Variants in POFUT3 observed in about 807,000 individuals in gnomAD.
POFUT3 encodes the protein GDP-fucose protein O-fucosyltransferase 3.
the POFUT3 span, among the ~76,000 whole-genome samples, chr8:33,380,160 A>AC: frequency 1.4e-5 from 1 of 69,092 alleles, no homozygotes; most frequent in African/African-American, 7.1e-5. Context: ...CTATATATAT[A>AC]TACTATATAT....
the POFUT3 span, among the ~76,000 whole-genome samples, chr8:33,363,528 C>A: frequency 6.6e-6 from 1 of 151,778 alleles, no homozygotes; most frequent in Non-Finnish European, 1.5e-5. Flanking sequence ...GCTAGCAAGA[C>A]TAATAAAGAA....
At chr8:33,449,572 G>A in the POFUT3 span, among the ~76,000 whole-genome samples, 11 of 152,044 alleles carry the variant, frequency 7.2e-5, no homozygotes, top group African/African-American at 2.7e-4. Context: ...TTACAGGCGT[G>A]AGCCGCCGCG....
chr8:33,421,310 G>GT, the POFUT3 span, among the ~76,000 whole-genome samples: 1 of 152,124 alleles, frequency 6.6e-6, no homozygotes, highest in African/African-American at 2.4e-5. Flanking sequence ...CTGCCCTCTA[G>GT]TGTCACTTTG....
the POFUT3 span, among the ~76,000 whole-genome samples, chr8:33,368,432 A>G: frequency 0.048 from 7,322 of 152,284 alleles, 391 homozygotes; most frequent in African/African-American, 0.13. Flanking sequence ...TTACTAGTGA[A>G]AAAGGTTAAT....
the POFUT3 span, among the ~76,000 whole-genome samples, chr8:33,369,013 C>T: frequency 6.6e-6 from 1 of 152,156 alleles, no homozygotes; most frequent in Admixed American, 6.6e-5. Flanking sequence ...TAGTACAATG[C>T]CTATTTTGTA....
chr8:33,408,534 T>C, the POFUT3 span, among the ~76,000 whole-genome samples: 2 of 152,070 alleles, frequency 1.3e-5, no homozygotes, highest in African/African-American at 4.8e-5. Flanking sequence ...GGACCTTCAA[T>C]TGCCTCAGCA....
the POFUT3 span, among the ~76,000 whole-genome samples, chr8:33,384,711 C>T: frequency 2.6e-5 from 4 of 152,082 alleles, no homozygotes; most frequent in African/African-American, 4.8e-5. Context: ...ATCCTAACTA[C>T]TCAGGAGGCT....
the POFUT3 span, among the ~76,000 whole-genome samples, chr8:33,415,690 G>T: frequency 6.6e-6 from 1 of 152,130 alleles, no homozygotes; most frequent in African/African-American, 2.4e-5. Flanking sequence ...TAGGAGGATA[G>T]AGGGAAAATA....
At chr8:33,369,574 T>C in the POFUT3 span, among the ~76,000 whole-genome samples, 7 of 152,204 alleles carry the variant, frequency 4.6e-5, no homozygotes, top group African/African-American at 1.4e-4. Context: ...GAGGTCCTAA[T>C]GAATTGCCAT....
the POFUT3 span, among the ~76,000 whole-genome samples, chr8:33,428,781 T>C: frequency 6.6e-6 from 1 of 152,214 alleles, no homozygotes; most frequent in South Asian, 2.1e-4. Context: ...TCTCTCACTC[T>C]TTTTGGCTCT....
chr8:33,451,576 G>A, the POFUT3 span, among the ~76,000 whole-genome samples: 1 of 151,806 alleles, frequency 6.6e-6, no homozygotes, highest in South Asian at 2.1e-4. Flanking sequence ...ATATATGTAT[G>A]TGTGTACATA....
chr8:33,352,657 T>C, the POFUT3 span, among the ~76,000 whole-genome samples: 1 of 152,180 alleles, frequency 6.6e-6, no homozygotes, highest in Non-Finnish European at 1.5e-5. Context: ...AATATGGTTG[T>C]CATGGTTTCT....
the POFUT3 span, among the ~76,000 whole-genome samples, chr8:33,439,150 A>G: frequency 1.3e-5 from 2 of 152,244 alleles, no homozygotes; most frequent in African/African-American, 4.8e-5. Flanking sequence ...TCACGCCTGT[A>G]ATCCCAGCAC....
At chr8:33,384,422 T>C in the POFUT3 span, among the ~76,000 whole-genome samples, 1 of 152,188 alleles carries the variant, frequency 6.6e-6, no homozygotes, top group African/African-American at 2.4e-5. Flanking sequence ...CGAGAAGGAA[T>C]AGCAATTAGT....
the POFUT3 span, among the ~76,000 whole-genome samples, chr8:33,459,509 G>A: frequency 6.6e-6 from 1 of 151,824 alleles, no homozygotes; most frequent in Non-Finnish European, 1.5e-5. Context: ...ACGTGTGGTA[G>A]TACACACCTA....
chr8:33,398,153 G>A, the POFUT3 span, among the ~76,000 whole-genome samples: 1 of 152,118 alleles, frequency 6.6e-6, no homozygotes, highest in Non-Finnish European at 1.5e-5. Flanking sequence ...TTACTGATAA[G>A]TACACAGAAA....
the POFUT3 span, among the ~76,000 whole-genome samples, chr8:33,404,717 A>AG: frequency 6.6e-6 from 1 of 152,154 alleles, no homozygotes; most frequent in Non-Finnish European, 1.5e-5. Context: ...TGTTAAAAAA[A>AG]AAAAGAAAAG....
the POFUT3 span, among the ~76,000 whole-genome samples, chr8:33,326,233 A>G: frequency 6.6e-6 from 1 of 152,054 alleles, no homozygotes; most frequent in South Asian, 2.1e-4. Flanking sequence ...CATGGCCCCA[A>G]ATCTCAGGGA....
At chr8:33,372,730 T>C in the POFUT3 span, 1 of 1,613,978 alleles carries the variant, frequency 6.2e-7, no homozygotes, top group East Asian at 2.2e-5. Flanking sequence ...TCCGGAGTGG[T>C]GAGAAAGCAA....
Sources: allele counts gnomAD v4.1 joint callset (sites outside exome capture counted in the v4.1 genomes callset), GRCh38; gene constraint gnomAD v4.1.1; transcripts MANE v1.5; gene names NCBI Gene and HGNC (gene_info 2026-07-23, HGNC 2026-07-21).